LRP1B: variants seen among roughly 807,000 people sequenced by gnomAD.
LRP1B encodes the protein low-density lipoprotein receptor-related protein 1B.
In LRP1B, 217 loss-of-function variants were observed where a neutral mutation model predicts 556.6. The observed-to-expected ratio is 0.39, with a 90% CI of 0.35 to 0.44. The LOEUF is 0.44. LRP1B is among the 20% of genes least tolerant of loss of function. The pLI, the probability that LRP1B is intolerant of heterozygous loss-of-function variation, is 1.00. For synonymous variants in LRP1B, 2,047 were observed against 1,865.8 expected, an observed-to-expected ratio of 1.10 and a Z score of -2.50; for missense variants, 5,053 against 5,620.8, an observed-to-expected ratio of 0.90 and a Z score of 3.23.
chr2:140,265,300 T>C (rs1157034866), intron 86 of LRP1B, among the ~76,000 whole-genome samples: 1 of 152,114 alleles, frequency 6.6e-6, no homozygotes, highest in African/African-American at 2.4e-5. Context: ...AAAAACATTG[T>C]TTTAATATTA....
chr2:140,628,889 C>A (rs1253721300), intron 41 of LRP1B, among the ~76,000 whole-genome samples: 1 of 152,090 alleles, frequency 6.6e-6, no homozygotes. Context: ...TCTTCACTCT[C>A]TTCCTCCTGC....
At chr2:140,621,438 A>G (rs965845166) in intron 41 of LRP1B, among the ~76,000 whole-genome samples, 3 of 151,554 alleles carry the variant, frequency 2.0e-5, no homozygotes, top group Non-Finnish European at 4.4e-5. Context: ...AACAATCTAT[A>G]GAGTAAAGGA....
chr2:140,545,151 T>G (rs1680282958), intron 43 of LRP1B, among the ~76,000 whole-genome samples: 1 of 151,504 alleles, frequency 6.6e-6, no homozygotes, highest in South Asian at 2.1e-4. Context: ...TTTTTTTTTT[T>G]GTAAATTTAA....
At chr2:141,922,342 A>G (rs1257769318) in intron 1 of LRP1B, among the ~76,000 whole-genome samples, 2 of 152,022 alleles carry the variant, frequency 1.3e-5, no homozygotes, top group Non-Finnish European at 2.9e-5. Context: ...TATGTGCACT[A>G]TTTACTCTAA....
At chr2:141,142,833 C>A (rs1381826182) in intron 7 of LRP1B, among the ~76,000 whole-genome samples, 1 of 150,920 alleles carries the variant, frequency 6.6e-6, no homozygotes, top group Non-Finnish European at 1.5e-5. Context: ...AAGAACAGAA[C>A]TAATCAATAC....
intron 9 of LRP1B, among the ~76,000 whole-genome samples, chr2:141,056,573 G>A (rs1276350244): frequency 6.6e-6 from 1 of 151,872 alleles, no homozygotes. Context: ...GCTTCATGCT[G>A]CTAAATCCTA....
intron 3 of LRP1B, among the ~76,000 whole-genome samples, chr2:141,311,216 G>A (rs754935465): frequency 2.0e-5 from 3 of 152,018 alleles, no homozygotes; most frequent in Non-Finnish European, 4.4e-5. Flanking sequence ...TATATTTTTG[G>A]TACCTCTGTG....
intron 7 of LRP1B, among the ~76,000 whole-genome samples, chr2:141,177,530 G>C (rs548446107): frequency 6.6e-6 from 1 of 152,108 alleles, no homozygotes; most frequent in Non-Finnish European, 1.5e-5. Context: ...GAAGGAAAAA[G>C]AAATGTGTAT....
intron 41 of LRP1B, among the ~76,000 whole-genome samples, chr2:140,687,214 G>A (rs927541809): frequency 6.6e-6 from 1 of 152,102 alleles, no homozygotes; most frequent in Non-Finnish European, 1.5e-5. Flanking sequence ...CAAGGAAATG[G>A]AAAGGAATCA....
chr2:141,949,914 C>T (rs1558981321), intron 1 of LRP1B, among the ~76,000 whole-genome samples: 2 of 152,134 alleles, frequency 1.3e-5, no homozygotes, highest in South Asian at 4.1e-4. Flanking sequence ...GACAAATTAT[C>T]CTTCCTATGA....
intron 20 of LRP1B, among the ~76,000 whole-genome samples, chr2:140,931,379 T>A (rs1695044619): frequency 6.6e-6 from 1 of 152,016 alleles, no homozygotes. Context: ...TCCTTTTACC[T>A]CCTTATATGT....
At chr2:141,224,458 T>G (rs1683168241) in intron 6 of LRP1B, among the ~76,000 whole-genome samples, 1 of 152,104 alleles carries the variant, frequency 6.6e-6, no homozygotes, top group Non-Finnish European at 1.5e-5. Flanking sequence ...GAAATACCAT[T>G]TGACCCGGCA....
chr2:140,851,524 C>T (rs1459038629), intron 28 of LRP1B, 128 bp downstream of exon 28: 2 of 975,756 alleles, frequency 2.0e-6, no homozygotes, highest in Non-Finnish European at 1.5e-6. Context: ...AGCACCACCA[C>T]CTAAAATATT....
At chr2:140,403,634 A>T (rs1252827823) in intron 66 of LRP1B, among the ~76,000 whole-genome samples, 1 of 152,186 alleles carries the variant, frequency 6.6e-6, no homozygotes, top group African/African-American at 2.4e-5. Context: ...GTTGTGTAAA[A>T]TGACAAAAAC....
Position 141,567,989 on chromosome 2 carries a change from T to C in LRP1B, c.206-87456A>G, listed in dbSNP as rs552959644. Reference sequence around the variant, plus strand: ...TATTATTGGTTCAGTTGTTTATCACTGAATAGCTTCCATGTTATTCAGGCT... The same window carrying C: ...TATTATTGGTTCAGTTGTTTATCACCGAATAGCTTCCATGTTATTCAGGCT... On this transcript the variant is annotated intron_variant, in intron 2 of 90. Transcript: ENST00000389484. Among the ~76,000 whole-genome samples the C allele has an allele frequency of 2.7e-5, 4 of 150,672 alleles. No homozygotes were observed. The South Asian group carries it at 8.4e-4, about 32-fold the overall frequency.
chr2:140,706,473 C>T (rs1435074843), intron 37 of LRP1B, among the ~76,000 whole-genome samples: 1 of 151,898 alleles, frequency 6.6e-6, no homozygotes, highest in East Asian at 1.9e-4. Flanking sequence ...TTTAAATAAG[C>T]TTGCACTTAT....
chr2:140,710,021 T>C lies in LRP1B; in HGVS notation c.6023+5952A>G, dbSNP rs1399086898. ...CTTAACTATGAATATGGAAAAAGTT[T>C]ATCCGTGTGACATAATATTTTTAAA... On this transcript the variant is annotated intron_variant, in intron 37 of 90. Transcript: ENST00000389484. Among the ~76,000 whole-genome samples the C allele has an allele frequency of 1.3e-5, 2 of 152,078 alleles. 1 individual carries two copies. Among genetic ancestry groups the C allele is most frequent in the African/African-American group, 4.8e-5 (2 of 41,442 alleles).
chr2:141,292,921 C>T (rs1273158779), intron 3 of LRP1B, among the ~76,000 whole-genome samples: 1 of 152,034 alleles, frequency 6.6e-6, no homozygotes, highest in Non-Finnish European at 1.5e-5. Context: ...ATAATATACC[C>T]TATTAGTTTA....
In LRP1B at chr2:142,070,489, C is replaced by T. The variant is rs576924927; in HGVS notation, c.82+60159G>A. Among the ~76,000 whole-genome samples the T allele has an allele frequency of 3.9e-5, 6 of 151,992 alleles. No homozygotes were observed. The East Asian group carries it at 7.8e-4, about 20-fold the overall frequency. Reference sequence around the variant, plus strand: ...TCCAACTGCTTCACACTTTTTCTTACATTAATGATATCTGATGTGCACAAA... The same window carrying T: ...TCCAACTGCTTCACACTTTTTCTTATATTAATGATATCTGATGTGCACAAA... On this transcript the variant is annotated intron_variant, in intron 1 of 90. Transcript: ENST00000389484.
Sources: gnomAD v4.1 joint callset for allele counts (sites outside exome capture counted in the v4.1 genomes callset) on GRCh38, gnomAD v4.1.1 for gene constraint, MANE v1.5 for transcripts, NCBI Gene and HGNC (gene_info 2026-07-23, HGNC 2026-07-21) for gene names.